Variants in RBBP9 observed in about 807,000 individuals in gnomAD.
The protein encoded by RBBP9 is RB binding protein 9, serine hydrolase.
RBBP9 carries 20 observed loss-of-function variants against 24.2 expected under a neutral mutation model. The observed-to-expected ratio is 0.83, with a 90% CI of 0.58 to 1.20. The LOEUF is 1.20. Among genes scored for constraint, RBBP9 ranks in the 50% most tolerant of loss-of-function variants. RBBP9 has a pLI of 0.00. For synonymous variants in RBBP9, 74 were observed against 84.6 expected (o/e 0.87, Z 0.69); for missense variants, 234 against 233.6 (o/e 1.00, Z -0.01).
In RBBP9 at chr20:18,495,850, T is replaced by C. The variant is rs1195541867; in HGVS notation, c.130A>G (p.Met44Val). ...GTTTAAAACTTACTTGGGTCGGGCA[T>C]GTTTTTAGCCAAACACTGGAAACCA... ...IPGFQCLAKN[M>V]PDPITARESI... The change falls in exon 2 of 5, where the codon ATG becomes GTG. Residue 44 changes from methionine (M) to valine (V), a missense_variant. Transcript: ENST00000337227. 1.3e-6 allele frequency: 2 copies of C among 1,572,822 alleles called. No individual in the cohort carries two copies. Among genetic ancestry groups the C allele is most frequent in the East Asian group, 2.3e-5 (1 of 44,404 alleles).
rs1256763860 is a variant in RBBP9, at chr20:18,489,805, G to A, written c.520C>T (p.Leu174=). Residue 174 remains leucine, a synonymous_variant, in exon 5 of 5, where the codon CTG becomes TTG. Coordinates refer to ENST00000337227, the MANE Select transcript of RBBP9 (RefSeq NM_006606.3). ...AGCAAAGACTTTACAACAGTAATCA[G>A]TTCATGAAACTCTGTGTTCTGAAAG... ...GHFQNTEFHE[L]ITVVKSLLKV... 1 of 1,613,858 alleles carries A rather than the reference G, an allele frequency of 6.2e-7. No homozygotes were observed. Among genetic ancestry groups the A allele is most frequent in the Non-Finnish European group, 8.5e-7 (1 of 1,179,764 alleles).
chr20:18,490,682 C>CT lies in RBBP9; in HGVS notation c.249-203dup, dbSNP rs398061351. 6.3e-3 allele frequency among the ~76,000 whole-genome samples: 876 copies of CT among 139,158 alleles called. 14 individuals carry two copies. Among genetic ancestry groups the CT allele is most frequent in the East Asian group, 0.032 (155 of 4,832 alleles). 91.3% of individuals were successfully genotyped at this position (139,158 alleles called of 152,430 possible). ...ACTGGATGAGCTTCTACTCATTTTT[C>CT]TTTTTTTTTTTTTTTGAGACAGAGT... On this transcript the variant is annotated intron_variant, in intron 3 of 4. Transcript: ENST00000337227.
rs888862388 is a variant in RBBP9 at position 18,495,088 on chromosome 20, A to G, written c.142+750T>C. Among the ~76,000 whole-genome samples, 6 of 150,988 alleles carry G rather than the reference A, an allele frequency of 4.0e-5. No individual in the cohort carries two copies. The South Asian group carries it at 8.4e-4, about 21-fold the overall frequency. On this transcript the variant is annotated intron_variant, in intron 2 of 4. Coordinates refer to ENST00000337227, the MANE Select transcript of RBBP9 (RefSeq NM_006606.3). ...GGCCACCACCCCGTCTGGGAGGTGT[A>G]CCCAACAGCTCATTGAGAACGGGCC...
In RBBP9 at chr20:18,488,617, A is replaced by G. The variant is rs1329916733; in HGVS notation, c.*1147T>C. 1 of 152,242 alleles carries G rather than the reference A, an allele frequency of 6.6e-6. No homozygotes were observed. The highest frequency in any genetic ancestry group is 2.4e-5 in the African/African-American group (1 of 41,446). 9.4% of individuals were successfully genotyped at this position (152,242 alleles called of 1,614,324 possible). A position where few individuals can be genotyped will look rare whatever the true frequency, so the allele number is the denominator to read the frequency against. On this transcript the variant is annotated 3_prime_UTR_variant, in exon 5 of 5. Transcript: ENST00000337227. ...ATCAGAAGAAAATGGAATGTGCTTG[A>G]AAGAGATCTAAAGGGCCATGGAAGT...
Position 18,497,170 on chromosome 20 carries a change from G to A in RBBP9, c.-3C>T, listed in dbSNP as rs1395759412. 1.9e-6 allele frequency: 3 copies of A among 1,612,132 alleles called. No individual in the cohort carries two copies. The highest frequency in any genetic ancestry group is 2.2e-5 in the East Asian group (1 of 44,844). On this transcript the variant is annotated 5_prime_UTR_variant, in exon 1 of 5. Transcript: ENST00000337227. ...ACTGCCTTGCTAGGAGAAGCCATGA[G>A]TGCAGCGAGGCCAGAGTTCCCCAGC... is the stretch of plus-strand genomic sequence containing the variant.
chr20:18,496,334 T>C (rs868486493), intron 1 of RBBP9, among the ~76,000 whole-genome samples: 1 of 152,202 alleles, frequency 6.6e-6, no homozygotes, highest in South Asian at 2.1e-4. Flanking sequence ...CAATCTATTC[T>C]GGAGACCCGC....
chr20:18,497,148 G>A lies in RBBP9; in HGVS notation c.20C>T (p.Ala7Val), dbSNP rs146043446. The A allele has an allele frequency of 2.0e-4, 324 of 1,614,058 alleles. No individual in the cohort carries two copies. In the African/African-American group the frequency reaches 3.9e-3, roughly 20 times the overall value. The change falls in exon 1 of 5, where the codon GCA (alanine) becomes GTA (valine). Residue 7 changes from alanine (A) to valine (V), a missense_variant. Physicochemically the swap from Ala to Val is moderately conservative, Grantham distance 64 (BLOSUM62 0). Coordinates refer to ENST00000337227, the MANE Select transcript of RBBP9 (RefSeq NM_006606.3). ...GCCTCCGTTCCCGGGAACAATCACT[G>A]CCTTGCTAGGAGAAGCCATGAGTGC... Reference protein sequence around the residue: MASPSKAVIVPGNGGGD... With the variant: MASPSKVVIVPGNGGGD...
chr20:18,492,096 CAAAAAAAA>C (rs71194242), intron 3 of RBBP9, among the ~76,000 whole-genome samples: 2 of 70,064 alleles, frequency 2.9e-5, no homozygotes, highest in African/African-American at 1.1e-4. Context: ...GGCTCTGTCT[CAAAAAAAA>C]AAAAAAAAAA....
chr20:18,497,185 A>G lies in RBBP9; in HGVS notation c.-18T>C. 2 of 1,599,408 alleles carry G rather than the reference A, an allele frequency of 1.3e-6. No individual in the cohort carries two copies. The highest frequency in any genetic ancestry group is 1.7e-6 in the Non-Finnish European group (2 of 1,167,170). On this transcript the variant is annotated 5_prime_UTR_variant, in exon 1 of 5. Transcript: ENST00000337227. ...GAAGCCATGAGTGCAGCGAGGCCAG[A>G]GTTCCCCAGCGCGGGTCCAGCGGAG...
chr20:18,491,808 G>A (rs374486467), intron 3 of RBBP9, among the ~76,000 whole-genome samples: 1 of 152,188 alleles, frequency 6.6e-6, no homozygotes, highest in South Asian at 2.1e-4. Flanking sequence ...GAAAGAACAA[G>A]CACCTAGGCC....
chr20:18,491,624 T>C (rs983991731), intron 3 of RBBP9, among the ~76,000 whole-genome samples: 31 of 152,100 alleles, frequency 2.0e-4, no homozygotes, highest in African/African-American at 5.6e-4. Flanking sequence ...AAAACCACAG[T>C]TATATTTGCA....
chr20:18,489,786 G>T lies in RBBP9; in HGVS notation c.539C>A (p.Ser180Tyr). Residue 180 changes from serine (S) to tyrosine (Y), a missense_variant, in exon 5 of 5, where the codon TCT (serine) becomes TAT (tyrosine). Ser to Tyr is a moderately radical substitution (Grantham distance 144). Transcript: ENST00000337227. ...EFHELITVVKSLLKVPA is the reference protein window; with the variant it reads ...EFHELITVVKYLLKVPA ...AGTCTATGCTGGTACTTTCAGCAAAGACTTTACAACAGTAATCAGTTCATG... is the reference window on the plus strand; with the variant it reads ...AGTCTATGCTGGTACTTTCAGCAAATACTTTACAACAGTAATCAGTTCATG... 6.2e-7 allele frequency: 1 copy of T among 1,611,320 alleles called. No individual in the cohort carries two copies. Among genetic ancestry groups the T allele is most frequent in the South Asian group, 1.1e-5 (1 of 91,034 alleles).
At chr20:18,491,793 A>G (rs2059866669) in intron 3 of RBBP9, among the ~76,000 whole-genome samples, 2 of 152,230 alleles carry the variant, frequency 1.3e-5, no homozygotes, top group South Asian at 4.1e-4. Flanking sequence ...ACCTACAGAA[A>G]CGTTGAAAGA....
At chr20:18,493,464 G>A (rs2059872766) in intron 3 of RBBP9, among the ~76,000 whole-genome samples, 1 of 152,214 alleles carries the variant, frequency 6.6e-6, no homozygotes, top group Admixed American at 6.5e-5. Context: ...ATAGGAGCCA[G>A]TAGAGTGAGG....
At chr20:18,490,651 C>G (rs2059861664) in intron 3 of RBBP9, among the ~76,000 whole-genome samples, 171 bp from the exon 4 acceptor site, 1 of 151,908 alleles carries the variant, frequency 6.6e-6, no homozygotes, top group Non-Finnish European at 1.5e-5. Flanking sequence ...AAGCCCAACC[C>G]TGGCTACTGG....
At chr20:18,490,335 T>C in intron 4 of RBBP9, 60 bp downstream of exon 4, 5 of 1,367,288 alleles carry the variant, frequency 3.7e-6, no homozygotes, top group Non-Finnish European at 5.2e-6. Context: ...TTTTACAACC[T>C]AAACAGACAG....
In RBBP9 at chr20:18,489,735, G is replaced by A. The variant is rs2059857199; in HGVS notation, c.*29C>T. On this transcript the variant is annotated 3_prime_UTR_variant, in exon 5 of 5. Coordinates refer to ENST00000337227, the MANE Select transcript of RBBP9 (RefSeq NM_006606.3). ...GTAGATATTATTCTACTCCTATATTGGGATGCAAAATAGCAGAAATCATAC... is the reference window on the plus strand; with the variant it reads ...GTAGATATTATTCTACTCCTATATTAGGATGCAAAATAGCAGAAATCATAC... 2 of 1,449,878 alleles carry A rather than the reference G, an allele frequency of 1.4e-6. No homozygotes were observed. Among genetic ancestry groups the A allele is most frequent in the East Asian group, 2.3e-5 (1 of 43,498 alleles). 89.8% of individuals were successfully genotyped at this position (1,449,878 alleles called of 1,614,324 possible).
In RBBP9 at chr20:18,494,906, G is replaced by A. The variant is rs1405010905; in HGVS notation, c.143-843C>T. Among the ~76,000 whole-genome samples the A allele has an allele frequency of 5.3e-5, 8 of 152,200 alleles. No individual in the cohort carries two copies. In the East Asian group the frequency reaches 1.5e-3, roughly 29 times the overall value. On this transcript the variant is annotated intron_variant, in intron 2 of 4. Transcript: ENST00000337227. ...GAAAATATTTGTAGACATATAGAAG[G>A]GAAAAATCAAGTTGGTGCAAAGTTG...
At chr20:18,490,149 C>T (rs1380957013) in intron 4 of RBBP9, among the ~76,000 whole-genome samples, 159 bp from the exon 5 acceptor site, 2 of 152,144 alleles carry the variant, frequency 1.3e-5, no homozygotes, top group East Asian at 3.8e-4. Context: ...GGGCTTGATA[C>T]CACAGTTACT....
Sources: gnomAD v4.1 joint callset for allele counts (sites outside exome capture counted in the v4.1 genomes callset) on GRCh38, gnomAD v4.1.1 for gene constraint, MANE v1.5 for transcripts, NCBI Gene and HGNC (gene_info 2026-07-23, HGNC 2026-07-21) for gene names.